Variants in MSI2 observed in about 807,000 individuals in gnomAD.
MSI2 encodes the protein RNA-binding protein Musashi homolog 2.
Under a neutral mutation model 45.6 loss-of-function variants are expected in MSI2, and 17 were observed. The ratio of observed to expected loss-of-function variants is 0.37; its 90% CI spans 0.26 to 0.56. MSI2 has a LOEUF of 0.56. Among genes scored for constraint, MSI2 ranks in the 20% least tolerant of loss-of-function variants. MSI2 has a pLI of 0.77. For missense variants in MSI2, 293 were observed against 444.2 expected (o/e 0.66, Z 3.06); for synonymous variants, 156 against 158.2 (o/e 0.99, Z 0.11).
intron 6 of MSI2, among the ~76,000 whole-genome samples, chr17:57,432,891 A>G (rs1476949161): frequency 6.6e-6 from 1 of 151,984 alleles, no homozygotes; most frequent in Non-Finnish European, 1.5e-5. Flanking sequence ...TCCTGATGTG[A>G]TTCCTTGTCA....
intron 5 of MSI2, among the ~76,000 whole-genome samples, chr17:57,320,734 T>G (rs951492156): frequency 4.6e-5 from 7 of 152,166 alleles, no homozygotes; most frequent in African/African-American, 1.7e-4. Context: ...TGGCCCCGTC[T>G]TAGGGTACAT....
chr17:57,641,923 C>T (rs980040751), intron 10 of MSI2, among the ~76,000 whole-genome samples: 2 of 152,208 alleles, frequency 1.3e-5, no homozygotes, highest in Non-Finnish European at 2.9e-5. Flanking sequence ...CCTTGAAGTC[C>T]TGCTGGCCAG....
At chr17:57,484,924 C>T (rs938246228) in intron 6 of MSI2, among the ~76,000 whole-genome samples, 1 of 152,226 alleles carries the variant, frequency 6.6e-6, no homozygotes, top group Non-Finnish European at 1.5e-5. Context: ...AACATGGTCT[C>T]ACCTTTCTGT....
intron 5 of MSI2, among the ~76,000 whole-genome samples, chr17:57,357,571 A>G (rs1290499292): frequency 6.6e-6 from 1 of 152,164 alleles, no homozygotes; most frequent in African/African-American, 2.4e-5. Context: ...AGAGCTTTGC[A>G]TAGGCCGCTG....
Position 57,627,347 on chromosome 17 carries a change from G to T in MSI2, c.727+44G>T. The T allele has an allele frequency of 1.3e-6, 2 of 1,579,238 alleles. No individual in the cohort carries two copies. The highest frequency in any genetic ancestry group is 1.7e-6 in the Non-Finnish European group (2 of 1,148,306). ...CAGGGCTTTGGAAGCACAAGAGGTGGGCTGCATTTGCGGGGAGGTGAGAGG... is the reference window on the plus strand; with the variant it reads ...CAGGGCTTTGGAAGCACAAGAGGTGTGCTGCATTTGCGGGGAGGTGAGAGG... On this transcript the variant is annotated intron_variant, in intron 10 of 13. Coordinates refer to ENST00000284073, the MANE Select transcript of MSI2 (RefSeq NM_138962.4). This position sits in a 1 kb window ranked among gnomAD's most constrained non-coding sequence, Gnocchi z 4.6.
At chr17:57,285,781 A>T in intron 5 of MSI2, 1 of 1,270,926 alleles carries the variant, frequency 7.9e-7, no homozygotes. Flanking sequence ...AAGCATCATT[A>T]TATTTTTAGA....
intron 8 of MSI2, among the ~76,000 whole-genome samples, chr17:57,612,595 TCAGA>T (rs1017722623): frequency 6.6e-6 from 1 of 152,162 alleles, no homozygotes; most frequent in Non-Finnish European, 1.5e-5. Flanking sequence ...TGGTTGGCAC[TCAGA>T]CAGTCATTGC....
At chr17:57,345,958 C>T (rs1267947493) in intron 5 of MSI2, among the ~76,000 whole-genome samples, 2 of 151,960 alleles carry the variant, frequency 1.3e-5, no homozygotes, top group Non-Finnish European at 1.5e-5. Context: ...TTGTAACAGT[C>T]GCATCTTATT....
chr17:57,486,906 T>C (rs1040614991), intron 6 of MSI2, among the ~76,000 whole-genome samples: 2 of 151,696 alleles, frequency 1.3e-5, no homozygotes, highest in African/African-American at 4.9e-5. Flanking sequence ...GATCACAGAG[T>C]CTAGTGGGTG....
intron 6 of MSI2, among the ~76,000 whole-genome samples, chr17:57,526,624 T>C (rs1418659528): frequency 6.6e-6 from 1 of 152,068 alleles, no homozygotes. Flanking sequence ...CAAATTCTTC[T>C]AGTTTCAGCT....
intron 5 of MSI2, among the ~76,000 whole-genome samples, chr17:57,376,519 CT>C (rs1472039305): frequency 6.6e-6 from 1 of 152,242 alleles, no homozygotes; most frequent in Admixed American, 6.5e-5. Context: ...GAGACCCTGA[CT>C]TCTCATGACC....
At chr17:57,371,179 C>T (rs1420440036) in intron 5 of MSI2, among the ~76,000 whole-genome samples, 1 of 152,060 alleles carries the variant, frequency 6.6e-6, no homozygotes, top group Non-Finnish European at 1.5e-5. Context: ...AATTAAAAAA[C>T]AGAATAAAAC....
intron 8 of MSI2, among the ~76,000 whole-genome samples, chr17:57,607,834 G>A (rs1906794134): frequency 6.6e-6 from 1 of 152,070 alleles, no homozygotes; most frequent in Admixed American, 6.5e-5. Flanking sequence ...GTCGCTTGGT[G>A]AAAGCAGGTG....
chr17:57,346,351 G>C lies in MSI2; in HGVS notation c.313-55028G>C, dbSNP rs545128528. ...GAGACATGTAAATAACACATTTTGG[G>C]GGGGGGGGTCTGATTTTTTTCTTAA... On this transcript the variant is annotated intron_variant, in intron 5 of 13. Transcript: ENST00000284073. Among the ~76,000 whole-genome samples the C allele has an allele frequency of 2.1e-3, 299 of 145,032 alleles. 7 individuals carry two copies. The East Asian group carries it at 0.047, about 23-fold the overall frequency.
At chr17:57,662,189 G>A (rs1418259962) in intron 11 of MSI2, among the ~76,000 whole-genome samples, 1 of 152,116 alleles carries the variant, frequency 6.6e-6, no homozygotes, top group Non-Finnish European at 1.5e-5. Context: ...TACAGAACAG[G>A]AAGCAGACAA....
At chr17:57,385,446 A>G (rs981317363) in intron 5 of MSI2, among the ~76,000 whole-genome samples, 1 of 152,014 alleles carries the variant, frequency 6.6e-6, no homozygotes, top group Non-Finnish European at 1.5e-5. Context: ...ACTTCTGCTC[A>G]TTCGAGACGA....
At chr17:57,586,811 G>A (rs1313874202) in intron 7 of MSI2, among the ~76,000 whole-genome samples, 3 of 151,198 alleles carry the variant, frequency 2.0e-5, no homozygotes, top group Non-Finnish European at 2.9e-5. Flanking sequence ...CCAGGAGTTC[G>A]AGAGCAGCCT....
At chr17:57,438,562 T>G (rs1204199785) in intron 6 of MSI2, among the ~76,000 whole-genome samples, 1 of 152,130 alleles carries the variant, frequency 6.6e-6, no homozygotes, top group Admixed American at 6.6e-5. Context: ...ATTTAATTTC[T>G]GTGGCTCCGT....
chr17:57,478,205 C>T (rs967076077), intron 6 of MSI2, among the ~76,000 whole-genome samples: 3 of 152,190 alleles, frequency 2.0e-5, no homozygotes, highest in African/African-American at 4.8e-5. Context: ...TCCAGAGGCC[C>T]CCTCTTTAGC....
Sources: allele counts gnomAD v4.1 joint callset (sites outside exome capture counted in the v4.1 genomes callset), GRCh38; gene constraint gnomAD v4.1.1; non-coding constraint Gnocchi (gnomAD v3.1); transcripts MANE v1.5; gene names NCBI Gene and HGNC (gene_info 2026-07-23, HGNC 2026-07-21).